NT5DC1: variants seen among roughly 807,000 people sequenced by gnomAD.
NT5DC1 encodes 5'-nucleotidase domain containing 1, also known as 5'-nucleotidase domain-containing protein 1.
NT5DC1 carries 42 observed loss-of-function variants against 59.4 expected under a neutral mutation model. The observed-to-expected ratio is 0.71, with a 90% CI of 0.55 to 0.92. The LOEUF is 0.92. NT5DC1 is among the 40% of genes least tolerant of loss of function. NT5DC1 has a pLI of 0.00. For missense variants in NT5DC1, 501 were observed against 537.1 expected (o/e 0.93, Z 0.66); for synonymous variants, 172 against 188.1 (o/e 0.91, Z 0.70).
At chr6:116,230,747 T>G (rs1179891826) in intron 8 of NT5DC1, among the ~76,000 whole-genome samples, 1 of 152,236 alleles carries the variant, frequency 6.6e-6, no homozygotes, top group Non-Finnish European at 1.5e-5. Flanking sequence ...AGCTGTTTCC[T>G]TCTCTGTATT....
At chr6:116,152,637 T>C (rs1476867358) in intron 6 of NT5DC1, among the ~76,000 whole-genome samples, 3 of 152,166 alleles carry the variant, frequency 2.0e-5, no homozygotes, top group Non-Finnish European at 4.4e-5. Context: ...ATGAAGACTT[T>C]GAATGCTATA....
At chr6:116,141,528 C>T (rs912901308) in intron 6 of NT5DC1, among the ~76,000 whole-genome samples, 2 of 151,966 alleles carry the variant, frequency 1.3e-5, no homozygotes, top group African/African-American at 4.8e-5. Flanking sequence ...CAAGAAAAAA[C>T]GTGGCACCCT....
chr6:116,189,525 A>G (rs761335249), intron 6 of NT5DC1, among the ~76,000 whole-genome samples: 6 of 152,026 alleles, frequency 3.9e-5, no homozygotes, highest in African/African-American at 1.4e-4. Flanking sequence ...GAAGACACAA[A>G]TGAACATATA....
At position 116,238,948 on chromosome 6, in the gene NT5DC1, G is replaced by A. The variant is rs1317779814; in HGVS notation, c.1084-7G>A. On this transcript the variant is annotated splice_region_variant and splice_polypyrimidine_tract_variant and intron_variant, in intron 10 of 11. Coordinates refer to ENST00000319550, the MANE Select transcript of NT5DC1 (RefSeq NM_152729.3). ...ACCATTTTAATTATTCTGTTCTCTT[G>A]TTTCAGGGACCAAAAGCAAAACCTT... 1 of 1,552,044 alleles carries A rather than the reference G, an allele frequency of 6.4e-7. No individual in the cohort carries two copies. Among genetic ancestry groups the A allele is most frequent in the Non-Finnish European group, 8.9e-7 (1 of 1,126,840 alleles).
chr6:116,237,350 G>A (rs995379410), intron 9 of NT5DC1: 1 of 583,860 alleles, frequency 1.7e-6, no homozygotes, highest in African/African-American at 1.8e-5. Flanking sequence ...ACAAACAACT[G>A]AAATTATGCT....
intron 5 of NT5DC1, among the ~76,000 whole-genome samples, chr6:116,116,613 G>C (rs1268114218): frequency 1.3e-5 from 2 of 152,120 alleles, no homozygotes; most frequent in African/African-American, 4.8e-5. Flanking sequence ...CTGCACTCTA[G>C]CCTGGGCGAC....
intron 6 of NT5DC1, among the ~76,000 whole-genome samples, chr6:116,220,491 C>T (rs953268540): frequency 1.3e-5 from 2 of 152,166 alleles, no homozygotes; most frequent in African/African-American, 4.8e-5. Context: ...CTGTTCTGGC[C>T]TATTTTGCAC....
chr6:116,205,244 G>A (rs1781427372), intron 6 of NT5DC1, among the ~76,000 whole-genome samples: 1 of 151,874 alleles, frequency 6.6e-6, no homozygotes, highest in African/African-American at 2.4e-5. Context: ...AACAAAATAA[G>A]CTGGGCTGGA....
intron 6 of NT5DC1, among the ~76,000 whole-genome samples, chr6:116,124,903 G>A (rs1779247089): frequency 6.6e-6 from 1 of 152,136 alleles, no homozygotes; most frequent in Admixed American, 6.6e-5. Context: ...ATATCTGTTT[G>A]TGGGCTAGTT....
At chr6:116,206,509 G>A (rs1781454496) in intron 6 of NT5DC1, among the ~76,000 whole-genome samples, 1 of 151,896 alleles carries the variant, frequency 6.6e-6, no homozygotes, top group African/African-American at 2.4e-5. Flanking sequence ...ACCATATCCT[G>A]TAATATACTT....
At chr6:116,231,151 C>CCG (rs1554202026) in intron 8 of NT5DC1, among the ~76,000 whole-genome samples, 2 of 145,058 alleles carry the variant, frequency 1.4e-5, no homozygotes, top group South Asian at 4.6e-4. Context: ...TGGTAAATCC[C>CCG]CCCCCCAAAC....
Position 116,121,329 on chromosome 6 carries a change from T to C in NT5DC1, c.529+3384T>C, listed in dbSNP as rs775410068. 54 of 1,613,730 alleles carry C rather than the reference T, an allele frequency of 3.3e-5. No homozygotes were observed. Among genetic ancestry groups the C allele is most frequent in the Middle Eastern group, 1.6e-4 (1 of 6,082 alleles). On this transcript the variant is annotated intron_variant, in intron 6 of 11. Coordinates refer to ENST00000319550, the MANE Select transcript of NT5DC1 (RefSeq NM_152729.3). The stretch of plus-strand genomic sequence containing the variant: ...GCTCCAGCAGCTCCTGGCTTTCCAA[T>C]GCCTTCTGGCCCTCGTTCCCCAGGA...
At chr6:116,119,992 C>T (rs966012722) in intron 6 of NT5DC1, 5 of 1,189,580 alleles carry the variant, frequency 4.2e-6, no homozygotes, top group Admixed American at 3.4e-5. Context: ...TTTCAGCCTA[C>T]CTCCATATGC....
chr6:116,141,079 C>T (rs1779753508), intron 6 of NT5DC1, among the ~76,000 whole-genome samples: 1 of 152,092 alleles, frequency 6.6e-6, no homozygotes, highest in Non-Finnish European at 1.5e-5. Flanking sequence ...TAAGGGTACA[C>T]CCACTTGGTG....
chr6:116,121,277 G>T lies in NT5DC1; in HGVS notation c.529+3332G>T, dbSNP rs370578053. The T allele has an allele frequency of 1.9e-6, 3 of 1,613,834 alleles. No individual in the cohort carries two copies. The Admixed American group carries it at 5.0e-5, about 27-fold the overall frequency. Reference sequence around the variant, plus strand: ...TCCTGGAGCCCCAGGGAGACCTTTTGTTCCTGGAATCCCTGGCTGGCCTGG... The same window carrying T: ...TCCTGGAGCCCCAGGGAGACCTTTTTTTCCTGGAATCCCTGGCTGGCCTGG... On this transcript the variant is annotated intron_variant, in intron 6 of 11. Coordinates refer to ENST00000319550, the MANE Select transcript of NT5DC1 (RefSeq NM_152729.3).
chr6:116,149,920 C>T (rs947925834), intron 6 of NT5DC1, among the ~76,000 whole-genome samples: 1 of 152,124 alleles, frequency 6.6e-6, no homozygotes, highest in African/African-American at 2.4e-5. Flanking sequence ...CATAGTGTTC[C>T]CCCACTCACA....
chr6:116,140,120 C>T (rs375550767), intron 6 of NT5DC1, among the ~76,000 whole-genome samples: 30 of 152,260 alleles, frequency 2.0e-4, no homozygotes, highest in African/African-American at 7.0e-4. Context: ...TGAATGCCGC[C>T]CTCCTATGGA....
intron 6 of NT5DC1, among the ~76,000 whole-genome samples, chr6:116,128,301 G>T (rs544888402): frequency 3.4e-4 from 51 of 152,206 alleles, no homozygotes; most frequent in Non-Finnish European, 6.6e-4. Context: ...GCACTGTCTT[G>T]TCCAAAACAG....
chr6:116,241,209 C>CCTGCA (rs1197573255), intron 11 of NT5DC1, among the ~76,000 whole-genome samples: 1 of 148,300 alleles, frequency 6.7e-6, no homozygotes, highest in Non-Finnish European at 1.5e-5. Context: ...TGTCCAGAAA[C>CCTGCA]CTGCACTAAA....
Sources: gnomAD v4.1 joint callset for allele counts (sites outside exome capture counted in the v4.1 genomes callset) on GRCh38, gnomAD v4.1.1 for gene constraint, MANE v1.5 for transcripts, NCBI Gene and HGNC (gene_info 2026-07-23, HGNC 2026-07-21) for gene names.